The following MYO1D variants were observed in gnomAD, a reference collection of about 807,000 sequenced individuals.
MYO1D encodes myosin ID, also known as unconventional myosin-Id.
A neutral mutation model predicts 122.0 loss-of-function variants in MYO1D; 83 were observed. That is an observed-to-expected ratio of 0.68 (90% CI 0.57 to 0.82). The LOEUF is 0.82. Ranked by LOEUF, MYO1D falls within the 40% of genes least tolerant of loss-of-function variation. MYO1D has a pLI of 0.00. For synonymous variants in MYO1D, 464 were observed against 446.9 expected, an observed-to-expected ratio of 1.04 and a Z score of -0.48; for missense variants, 1,157 against 1,269.5, an observed-to-expected ratio of 0.91 and a Z score of 1.35.
At chr17:32,555,741 C>G (rs982386397) in intron 21 of MYO1D, among the ~76,000 whole-genome samples, 1 of 152,234 alleles carries the variant, frequency 6.6e-6, no homozygotes, top group African/African-American at 2.4e-5. Flanking sequence ...AGCCACACCC[C>G]TCCTCACACC....
intron 16 of MYO1D, among the ~76,000 whole-genome samples, chr17:32,691,894 G>C (rs535446745): frequency 5.3e-5 from 8 of 152,234 alleles, no homozygotes; most frequent in African/African-American, 1.9e-4. Context: ...TACATCCTTA[G>C]CAACACTGTG....
chr17:32,814,377 T>C (rs1016231928), intron 1 of MYO1D, among the ~76,000 whole-genome samples: 1 of 152,198 alleles, frequency 6.6e-6, no homozygotes, highest in Non-Finnish European at 1.5e-5. Flanking sequence ...AACACTTCTG[T>C]GTTAACATTC....
intron 1 of MYO1D, among the ~76,000 whole-genome samples, chr17:32,834,336 G>A (rs1429047426): frequency 6.6e-6 from 1 of 152,184 alleles, no homozygotes; most frequent in Non-Finnish European, 1.5e-5. Context: ...CTGTCCTCAT[G>A]GAGCTTGCAG....
At chr17:32,561,429 C>T (rs1230359301) in intron 21 of MYO1D, among the ~76,000 whole-genome samples, 1 of 151,524 alleles carries the variant, frequency 6.6e-6, no homozygotes, top group Admixed American at 6.6e-5. Context: ...GTGGCTCATG[C>T]CTGTAATCCT....
At chr17:32,569,071 C>G (rs1437737606) in intron 21 of MYO1D, among the ~76,000 whole-genome samples, 1 of 152,204 alleles carries the variant, frequency 6.6e-6, no homozygotes, top group Non-Finnish European at 1.5e-5. Flanking sequence ...AATCCCACGA[C>G]TAGATAATCT....
At chr17:32,654,903 C>A (rs1204830420) in intron 17 of MYO1D, among the ~76,000 whole-genome samples, 1 of 152,164 alleles carries the variant, frequency 6.6e-6, no homozygotes, top group Non-Finnish European at 1.5e-5. Flanking sequence ...GTCCTGAACT[C>A]CTGACCTCAA....
chr17:32,546,151 A>G (rs1332542017), intron 21 of MYO1D, among the ~76,000 whole-genome samples: 1 of 152,066 alleles, frequency 6.6e-6, no homozygotes, highest in Non-Finnish European at 1.5e-5. Flanking sequence ...AACGGCCCTG[A>G]GCTGTTAATG....
chr17:32,663,074 C>T (rs984152147), intron 16 of MYO1D, among the ~76,000 whole-genome samples: 8 of 151,966 alleles, frequency 5.3e-5, no homozygotes, highest in African/African-American at 1.7e-4. Flanking sequence ...CCTGCCACCA[C>T]GCCTGGCTAA....
At chr17:32,750,139 C>T (rs2089883364) in intron 11 of MYO1D, among the ~76,000 whole-genome samples, 1 of 152,190 alleles carries the variant, frequency 6.6e-6, no homozygotes, top group Admixed American at 6.5e-5. Context: ...TTCTGCAGCT[C>T]CTTTTCTCCC....
At chr17:32,588,109 A>G (rs1567899562) in intron 21 of MYO1D, among the ~76,000 whole-genome samples, 1 of 152,230 alleles carries the variant, frequency 6.6e-6, no homozygotes, top group Non-Finnish European at 1.5e-5. Context: ...AATGGAAAAT[A>G]ACAAAGAAGA....
intron 21 of MYO1D, among the ~76,000 whole-genome samples, chr17:32,549,060 T>G (rs1346009942): frequency 6.6e-6 from 1 of 152,146 alleles, no homozygotes; most frequent in Non-Finnish European, 1.5e-5. Flanking sequence ...ACATTTACAC[T>G]GAAAAAATAT....
At chr17:32,805,645 A>G in intron 1 of MYO1D, among the ~76,000 whole-genome samples, 1 of 150,244 alleles carries the variant, frequency 6.7e-6, no homozygotes, top group East Asian at 2.0e-4. Context: ...TAAAACAAAC[A>G]TTACTTCAAG....
At chr17:32,816,615 G>A (rs915273147) in intron 1 of MYO1D, among the ~76,000 whole-genome samples, 3 of 152,064 alleles carry the variant, frequency 2.0e-5, no homozygotes, top group African/African-American at 7.2e-5. Flanking sequence ...TTCTAGGCAA[G>A]GGAAAAAACA....
At chr17:32,849,366 G>A (rs1290216613) in intron 1 of MYO1D, among the ~76,000 whole-genome samples, 4 of 147,594 alleles carry the variant, frequency 2.7e-5, no homozygotes, top group East Asian at 2.0e-4. Flanking sequence ...ACATGCACAC[G>A]TATGTTTATT....
At chr17:32,650,410 GCTTCTTGGAT>G in intron 19 of MYO1D, among the ~76,000 whole-genome samples, 1 of 152,092 alleles carries the variant, frequency 6.6e-6, no homozygotes, top group South Asian at 2.1e-4. Flanking sequence ...TGTTTGTTGA[GCTTCTTGGAT>G]CTGTGCATTT....
intron 20 of MYO1D, among the ~76,000 whole-genome samples, chr17:32,607,369 G>T (rs542141314): frequency 6.6e-6 from 1 of 151,884 alleles, no homozygotes; most frequent in South Asian, 2.1e-4. Context: ...AACAAAAATT[G>T]AAAAACAAAA....
chr17:32,613,439 G>A (rs1312112655), intron 20 of MYO1D, among the ~76,000 whole-genome samples: 2 of 152,112 alleles, frequency 1.3e-5, no homozygotes, highest in African/African-American at 2.4e-5. Flanking sequence ...CCATGACCAT[G>A]AGCGTATATT....
chr17:32,820,441 T>G (rs1425992263), intron 1 of MYO1D, among the ~76,000 whole-genome samples: 1 of 152,154 alleles, frequency 6.6e-6, no homozygotes, highest in Non-Finnish European at 1.5e-5. Flanking sequence ...TACTATTCAG[T>G]TTTAAAAAGC....
chr17:32,629,462 C>T (rs2087973550), intron 20 of MYO1D, among the ~76,000 whole-genome samples: 1 of 152,086 alleles, frequency 6.6e-6, no homozygotes, highest in Admixed American at 6.6e-5. Context: ...GGGCCAGGCA[C>T]AGTGACTCAC....
Sources: allele counts gnomAD v4.1 joint callset (sites outside exome capture counted in the v4.1 genomes callset), GRCh38; gene constraint gnomAD v4.1.1; transcripts MANE v1.5; gene names NCBI Gene and HGNC (gene_info 2026-07-23, HGNC 2026-07-21).